Variants in CDH12 observed in about 807,000 individuals in gnomAD.
The protein encoded by CDH12 is cadherin-12.
In CDH12, 41 loss-of-function variants were observed where a neutral mutation model predicts 74.1. That is an observed-to-expected ratio of 0.55 (90% CI 0.43 to 0.72). The LOEUF (loss-of-function observed/expected upper bound fraction) is 0.72. Among genes scored for constraint, CDH12 ranks in the 30% least tolerant of loss-of-function variants. The pLI is 0.00. For missense variants in CDH12, 945 were observed against 977.2 expected, an observed-to-expected ratio of 0.97 and a Z score of 0.44; for synonymous variants, 399 against 355.0, an observed-to-expected ratio of 1.12 and a Z score of -1.39.
At position 21,751,473 on chromosome 5, in the gene CDH12, GA is replaced by G. The variant is rs762059199; in HGVS notation, c.*263del. ...CCTGAGCTTGTCTCAGTGTGATTGT[GA>G]AAAAACAAAACAACAAAACAAAGCA... On this transcript the variant is annotated 3_prime_UTR_variant, in exon 15 of 15. Coordinates refer to ENST00000382254, the MANE Select transcript of CDH12 (RefSeq NM_004061.5). 254 of 389,720 alleles carry G rather than the reference GA, an allele frequency of 6.5e-4. No homozygotes were observed. The highest frequency in any genetic ancestry group is 1.2e-3 in the Admixed American group (29 of 23,700). The allele number at this position is 389,720 out of a possible 1,614,324, so 24.1% of individuals were successfully genotyped here. A position where few individuals can be genotyped will look rare whatever the true frequency, so the allele number is the denominator to read the frequency against.
At chr5:22,591,620 T>A (rs1346071203) in intron 1 of CDH12, among the ~76,000 whole-genome samples, 9 of 152,194 alleles carry the variant, frequency 5.9e-5, no homozygotes, top group Non-Finnish European at 1.2e-4. Context: ...ACTACTAAGT[T>A]GACTCATTCA....
rs185892625 is a variant in CDH12 at position 21,908,905 on chromosome 5, C to T, written c.527-54115G>A. On this transcript the variant is annotated intron_variant, in intron 6 of 14. Transcript: ENST00000382254. ...TCTTCCCCAACTTGATAGCAGGGTA[C>T]GCATGAGAGTGTAAAAAAAAAATTA... Among the ~76,000 whole-genome samples the T allele has an allele frequency of 2.5e-3, 383 of 152,168 alleles. 2 individuals are homozygous for T. The highest frequency in any genetic ancestry group is 3.7e-3 in the Non-Finnish European group (254 of 68,014).
chr5:22,369,097 C>T (rs1741159109), intron 3 of CDH12, among the ~76,000 whole-genome samples: 2 of 152,028 alleles, frequency 1.3e-5, no homozygotes, highest in Admixed American at 6.6e-5. Context: ...CCACTGCACT[C>T]CAGCCTGGGC....
At chr5:22,405,087 G>A (rs886539100) in intron 3 of CDH12, among the ~76,000 whole-genome samples, 170 bp downstream of exon 3, 5 of 152,038 alleles carry the variant, frequency 3.3e-5, no homozygotes, top group African/African-American at 1.2e-4. Flanking sequence ...GTGGGCGCCT[G>A]TAATCCCAGC....
intron 4 of CDH12, chr5:22,143,367 CCTTTTTT>C (rs1746938281): frequency 2.7e-5 from 3 of 111,264 alleles, no homozygotes; most frequent in African/African-American, 1.1e-4. Flanking sequence ...GTATAATATT[CCTTTTTT>C]TTTTTTTTTT....
intron 3 of CDH12, among the ~76,000 whole-genome samples, chr5:22,363,073 T>C (rs1007198587): frequency 2.0e-5 from 3 of 151,808 alleles, no homozygotes; most frequent in Admixed American, 6.6e-5. Context: ...CTAGAACTTA[T>C]AATAATAAAA....
At chr5:22,607,823 C>T (rs955494578) in intron 1 of CDH12, among the ~76,000 whole-genome samples, 7 of 152,328 alleles carry the variant, frequency 4.6e-5, no homozygotes, top group African/African-American at 1.7e-4. Context: ...TCAGAGGGTG[C>T]AAGCCCCAAG....
chr5:22,168,891 A>G (rs1748851888), intron 4 of CDH12, among the ~76,000 whole-genome samples: 1 of 149,050 alleles, frequency 6.7e-6, no homozygotes, highest in African/African-American at 2.5e-5. Flanking sequence ...TGAGGCACAC[A>G]TCTTCCCTAG....
At chr5:22,315,119 C>CTTTTTTTTTTTT (rs70959715) in intron 3 of CDH12, among the ~76,000 whole-genome samples, 1,494 of 22,982 alleles carry the variant, frequency 0.065, 499 homozygotes, top group South Asian at 0.092. Flanking sequence ...GCCTGCCTGG[C>CTTTTTTTTTTTT]TTTTTTTTTT....
intron 6 of CDH12, chr5:21,883,314 G>T (rs996698946): frequency 2.0e-5 from 30 of 1,500,340 alleles, no homozygotes; most frequent in African/African-American, 4.1e-5. Flanking sequence ...ATTCCAGGAT[G>T]CCTATGTTCT....
At chr5:22,346,985 C>G (rs902010403) in intron 3 of CDH12, among the ~76,000 whole-genome samples, 1 of 152,156 alleles carries the variant, frequency 6.6e-6, no homozygotes, top group Non-Finnish European at 1.5e-5. Context: ...TTGAGTAATA[C>G]AGAAAACCAA....
intron 6 of CDH12, among the ~76,000 whole-genome samples, chr5:21,956,914 T>C (rs935523639): frequency 6.6e-6 from 1 of 152,066 alleles, no homozygotes; most frequent in Non-Finnish European, 1.5e-5. Flanking sequence ...CTTTCTTCTT[T>C]TTTTTTTAAC....
intron 1 of CDH12, among the ~76,000 whole-genome samples, chr5:22,509,748 G>A (rs1736525255): frequency 6.6e-6 from 1 of 152,116 alleles, no homozygotes; most frequent in Non-Finnish European, 1.5e-5. Context: ...CACTAGTATT[G>A]GGAAGCTGCA....
At chr5:21,961,835 G>A (rs907333217) in intron 6 of CDH12, among the ~76,000 whole-genome samples, 5 of 151,998 alleles carry the variant, frequency 3.3e-5, no homozygotes, top group East Asian at 1.9e-4. Flanking sequence ...CCTAGTTTAT[G>A]GTACTTTGTT....
chr5:22,056,601 G>A (rs1341360078), intron 5 of CDH12, among the ~76,000 whole-genome samples: 2 of 152,104 alleles, frequency 1.3e-5, no homozygotes, highest in Non-Finnish European at 2.9e-5. Flanking sequence ...GGAATGAAAC[G>A]TGCAGTCTGG....
chr5:22,625,739 C>T lies in CDH12; in HGVS notation c.-522-120375G>A, dbSNP rs543908010. 5.3e-5 allele frequency among the ~76,000 whole-genome samples: 8 copies of T among 152,264 alleles called. No individual in the cohort carries two copies. The South Asian group carries it at 1.7e-3, about 32-fold the overall frequency. On this transcript the variant is annotated intron_variant, in intron 1 of 14. Transcript: ENST00000382254. ...TGCTTGCAGGGCATATTTGAATGCC[C>T]AAGCAGGGTGCTTCCTGGAGGCCCT...
intron 4 of CDH12, among the ~76,000 whole-genome samples, chr5:22,206,362 A>G (rs1398582069): frequency 6.6e-6 from 1 of 152,216 alleles, no homozygotes; most frequent in African/African-American, 2.4e-5. Flanking sequence ...GCAGTGTCCA[A>G]CTGGGGCTAC....
intron 1 of CDH12, among the ~76,000 whole-genome samples, chr5:22,539,538 C>G (rs947300391): frequency 9.2e-5 from 14 of 152,296 alleles, no homozygotes; most frequent in African/African-American, 2.6e-4. Context: ...AACCAATCGT[C>G]TCCTTGCTTT....
intron 1 of CDH12, among the ~76,000 whole-genome samples, chr5:22,792,892 G>A (rs1056498864): frequency 1.3e-5 from 2 of 152,156 alleles, no homozygotes; most frequent in African/African-American, 4.8e-5. Flanking sequence ...TTTAGATAAA[G>A]GAAATAATGT....
Sources: allele counts gnomAD v4.1 joint callset (sites outside exome capture counted in the v4.1 genomes callset), GRCh38; gene constraint gnomAD v4.1.1; transcripts MANE v1.5; gene names NCBI Gene and HGNC (gene_info 2026-07-23, HGNC 2026-07-21).